Variants in AGPAT3 observed in about 807,000 individuals in gnomAD.
AGPAT3 encodes 1-acylglycerol-3-phosphate O-acyltransferase 3.
A neutral mutation model predicts 47.3 loss-of-function variants in AGPAT3; 5 were observed. The observed-to-expected ratio is 0.11, with a 90% confidence interval of 0.06 to 0.22. The LOEUF (loss-of-function observed/expected upper bound fraction) is 0.22, where lower values mean the gene tolerates loss of function less well. AGPAT3 is among the 10% of genes least tolerant of loss of function. The pLI, the probability that AGPAT3 is intolerant of heterozygous loss-of-function variation, is 1.00. For missense variants in AGPAT3, 315 were observed against 493.0 expected (o/e 0.64, Z 3.42); for synonymous variants, 212 against 208.3 (o/e 1.02, Z -0.15).
chr21:43,879,706 G>A (rs1019018252), intron 1 of AGPAT3, among the ~76,000 whole-genome samples: 2 of 152,240 alleles, frequency 1.3e-5, no homozygotes, highest in East Asian at 1.9e-4. Flanking sequence ...CGCTGTGTGC[G>A]TGTCAGGGCG....
Position 43,970,295 on chromosome 21 carries a change from C to G in AGPAT3, c.511-358C>G, listed in dbSNP as rs1199654623. Among the ~76,000 whole-genome samples, 1 of 152,180 alleles carries G rather than the reference C, an allele frequency of 6.6e-6. No homozygotes were observed. The highest frequency in any genetic ancestry group is 6.5e-5 in the Admixed American group (1 of 15,270). On this transcript the variant is annotated intron_variant, in intron 5 of 9. Transcript: ENST00000291572. The surrounding 1 kb of genome is among the most constrained non-coding windows in gnomAD (Gnocchi z 5.8). ...TGCTGGGATTACAGGGGTGAGCCAC[C>G]ACGCCCGGCCTGCTGTTAACATTTC... is the stretch of plus-strand genomic sequence containing the variant.
In AGPAT3 at chr21:43,889,676, G is replaced by C. The variant is rs920282903; in HGVS notation, c.-111-14281G>C. Among the ~76,000 whole-genome samples the C allele has an allele frequency of 2.6e-5, 4 of 152,208 alleles. No homozygotes were observed. The East Asian group carries it at 7.7e-4, about 29-fold the overall frequency. On this transcript the variant is annotated intron_variant, in intron 1 of 9. Transcript: ENST00000291572. ...TGTACAGCCATGCCACCCTGAACGTGCCTGATCTCATCAGAAGTTATGTTT... is the reference window on the plus strand; with the variant it reads ...TGTACAGCCATGCCACCCTGAACGTCCCTGATCTCATCAGAAGTTATGTTT...
In AGPAT3 at chr21:43,934,220, A is replaced by G. The variant is rs1674649911; in HGVS notation, c.-48-25414A>G. On this transcript the variant is annotated intron_variant, in intron 2 of 9. Coordinates refer to ENST00000291572, the MANE Select transcript of AGPAT3 (RefSeq NM_020132.5). This position sits in a 1 kb window ranked among gnomAD's most constrained non-coding sequence, Gnocchi z 4.7. ...CCCATATGCCAGTCCCCTGAGAACC[A>G]GCTCCCTGAGCACGCCAGCCCCCCA... is the stretch of plus-strand genomic sequence containing the variant. Among the ~76,000 whole-genome samples the G allele has an allele frequency of 6.6e-6, 1 of 152,034 alleles. No homozygotes were observed. Among genetic ancestry groups the G allele is most frequent in the Admixed American group, 6.5e-5 (1 of 15,274 alleles).
At chr21:43,979,980 A>G (rs985391521) in intron 8 of AGPAT3, among the ~76,000 whole-genome samples, 1 of 152,136 alleles carries the variant, frequency 6.6e-6, no homozygotes, top group South Asian at 2.1e-4. Flanking sequence ...GTCTCCAACC[A>G]TCTTTAAAAG....
chr21:43,873,566 C>T (rs951528843), intron 1 of AGPAT3, among the ~76,000 whole-genome samples: 8 of 152,086 alleles, frequency 5.3e-5, no homozygotes, highest in Admixed American at 2.0e-4. Flanking sequence ...TCAGTAGAGA[C>T]GGGGTTTCAC....
chr21:43,873,002 C>A (rs149693016), intron 1 of AGPAT3, among the ~76,000 whole-genome samples: 4 of 152,194 alleles, frequency 2.6e-5, no homozygotes, highest in Non-Finnish European at 5.9e-5. Context: ...CCTGCCGGGA[C>A]GGCGAAACTT....
chr21:43,987,535 G>T lies in AGPAT3; in HGVS notation c.*5143G>T, dbSNP rs146392720. Among the ~76,000 whole-genome samples, 58 of 152,268 alleles carry T rather than the reference G, an allele frequency of 3.8e-4. No individual in the cohort carries two copies. Among genetic ancestry groups the T allele is most frequent in the Admixed American group, 3.3e-3 (50 of 15,298 alleles). On this transcript the variant is annotated 3_prime_UTR_variant, in exon 10 of 10. Transcript: ENST00000291572. ...AACATTCATCTGTGGAGAAAACCAA[G>T]GAACCCCTTTCTCTTCTTTATTAAA...
At chr21:43,927,666 C>T (rs1015634145) in intron 2 of AGPAT3, among the ~76,000 whole-genome samples, 2 of 152,184 alleles carry the variant, frequency 1.3e-5, no homozygotes, top group South Asian at 4.1e-4. Flanking sequence ...ATCCTTGGCT[C>T]CTATCTGTGG....
chr21:43,970,213 G>A lies in AGPAT3; in HGVS notation c.511-440G>A, dbSNP rs970372164. 6.6e-6 allele frequency among the ~76,000 whole-genome samples: 1 copy of A among 151,996 alleles called. No individual in the cohort carries two copies. Among genetic ancestry groups the A allele is most frequent in the East Asian group, 1.9e-4 (1 of 5,184 alleles). ...AGTAGAGACGGGGTTTCACCATGTT[G>A]GCCAGGCTGGTCTTGAACTCCTGAC... On this transcript the variant is annotated intron_variant, in intron 5 of 9. Transcript: ENST00000291572. This position sits in a 1 kb window ranked among gnomAD's most constrained non-coding sequence, Gnocchi z 5.8.
chr21:43,901,323 A>T (rs1487282465), intron 1 of AGPAT3, among the ~76,000 whole-genome samples: 3 of 7,058 alleles, frequency 4.3e-4, no homozygotes, highest in Non-Finnish European at 7.5e-4. Flanking sequence ...ACTCTGTTAA[A>T]AAAAAAAAAA....
At chr21:43,884,144 C>T (rs1241673958) in intron 1 of AGPAT3, among the ~76,000 whole-genome samples, 1 of 152,156 alleles carries the variant, frequency 6.6e-6, no homozygotes, top group Non-Finnish European at 1.5e-5. Context: ...GCTCGCAGGC[C>T]TTCCTGGACG....
chr21:43,899,884 G>A (rs1330246323), intron 1 of AGPAT3, among the ~76,000 whole-genome samples: 1 of 152,138 alleles, frequency 6.6e-6, no homozygotes, highest in Non-Finnish European at 1.5e-5. Context: ...GAAGAAATTG[G>A]GAAGAGGCGA....
At chr21:43,890,166 G>A (rs117678460) in intron 1 of AGPAT3, among the ~76,000 whole-genome samples, 13 of 152,216 alleles carry the variant, frequency 8.5e-5, no homozygotes, top group Admixed American at 6.5e-5. Context: ...GTTTAACACC[G>A]TCCCCCTAGT....
chr21:43,980,950 G>A (rs769988214), intron 8 of AGPAT3, 39 bp from the exon 9 acceptor site: 3 of 1,410,494 alleles, frequency 2.1e-6, no homozygotes, highest in Non-Finnish European at 3.0e-6. Context: ...AGCTTGTAAA[G>A]AAGCCTCACG....
intron 1 of AGPAT3, among the ~76,000 whole-genome samples, chr21:43,901,107 T>G (rs62228708): frequency 0.11 from 16,126 of 151,762 alleles, 1,653 homozygotes; most frequent in African/African-American, 0.27. Flanking sequence ...TTCAAGACCC[T>G]CTGGGGCCAC....
intron 2 of AGPAT3, among the ~76,000 whole-genome samples, chr21:43,945,972 C>T (rs545486170): frequency 1.3e-5 from 2 of 152,040 alleles, no homozygotes; most frequent in East Asian, 3.9e-4. Flanking sequence ...GGTGGGCCCT[C>T]CACCTTGTCC....
At position 43,971,372 on chromosome 21, in the gene AGPAT3, C is replaced by T. The variant is rs1011921384; in HGVS notation, c.665-16C>T. Reference sequence around the variant, plus strand: ...CGCCTGGGCTGGGTCATTCACCCTCCCGTCTCCTCCCACAGTCGCAGCTGT... The same window carrying T: ...CGCCTGGGCTGGGTCATTCACCCTCTCGTCTCCTCCCACAGTCGCAGCTGT... On this transcript the variant is annotated splice_polypyrimidine_tract_variant and intron_variant, in intron 6 of 9. Transcript: ENST00000291572. 2 of 1,612,298 alleles carry T rather than the reference C, an allele frequency of 1.2e-6. No individual in the cohort carries two copies. Among genetic ancestry groups the T allele is most frequent in the African/African-American group, 2.7e-5 (2 of 74,896 alleles).
chr21:43,900,281 T>G (rs2086320239), intron 1 of AGPAT3, among the ~76,000 whole-genome samples: 1 of 152,112 alleles, frequency 6.6e-6, no homozygotes, highest in South Asian at 2.1e-4. Context: ...AATGCAAGAT[T>G]CCAGCTTGCA....
Position 43,880,945 on chromosome 21 carries a change from G to A in AGPAT3, c.-112+15600G>A, listed in dbSNP as rs995308521. Reference sequence around the variant, plus strand: ...AGGCTGGTGGTTTGATTACAAGTTGGTCATTCTTAATGCCAGGGAGGGGGA... The same window carrying A: ...AGGCTGGTGGTTTGATTACAAGTTGATCATTCTTAATGCCAGGGAGGGGGA... On this transcript the variant is annotated intron_variant, in intron 1 of 9. Transcript: ENST00000291572. This position sits in a 1 kb window ranked among gnomAD's most constrained non-coding sequence, Gnocchi z 4.5. 7.0e-6 allele frequency among the ~76,000 whole-genome samples: 1 copy of A among 143,496 alleles called. No homozygotes were observed. The highest frequency in any genetic ancestry group is 2.5e-5 in the African/African-American group (1 of 40,588). 94.1% of individuals were successfully genotyped at this position (143,496 alleles called of 152,430 possible).
Sources: allele counts gnomAD v4.1 joint callset (sites outside exome capture counted in the v4.1 genomes callset), GRCh38; gene constraint gnomAD v4.1.1; non-coding constraint Gnocchi (gnomAD v3.1); transcripts MANE v1.5; gene names NCBI Gene and HGNC (gene_info 2026-07-23, HGNC 2026-07-21).